TBC1D1: variants seen among roughly 807,000 people sequenced by gnomAD.
The protein encoded by TBC1D1 is TBC1 (tre-2/USP6, BUB2, cdc16) domain family, member 1.
In TBC1D1, 89 loss-of-function variants were observed where a neutral mutation model predicts 125.6. That is an observed-to-expected ratio of 0.71 (90% CI 0.60 to 0.85). The LOEUF is 0.85. Among genes scored for constraint, TBC1D1 ranks in the 40% least tolerant of loss-of-function variants. The pLI, the probability that TBC1D1 is intolerant of heterozygous loss-of-function variation, is 0.00. For synonymous variants in TBC1D1, 565 were observed against 564.1 expected (o/e 1.00, Z -0.02); for missense variants, 1,377 against 1,469.2 (o/e 0.94, Z 1.03).
intron 15 of TBC1D1, among the ~76,000 whole-genome samples, chr4:38,105,446 TTTTA>T (rs1173932887): frequency 1.3e-5 from 2 of 152,092 alleles, no homozygotes; most frequent in African/African-American, 4.8e-5. Context: ...TTTTTTCAAC[TTTTA>T]TTTTAGATTC....
chr4:38,030,022 C>T (rs1745831045), intron 7 of TBC1D1, among the ~76,000 whole-genome samples: 1 of 152,208 alleles, frequency 6.6e-6, no homozygotes, highest in African/African-American at 2.4e-5. Flanking sequence ...AATGCTGGCC[C>T]ACTTACTGTT....
At chr4:38,070,679 A>G (rs1430114325) in intron 12 of TBC1D1, among the ~76,000 whole-genome samples, 3 of 152,242 alleles carry the variant, frequency 2.0e-5, no homozygotes, top group African/African-American at 7.2e-5. Flanking sequence ...AGTATGTAAA[A>G]AAAACATACA....
intron 15 of TBC1D1, among the ~76,000 whole-genome samples, chr4:38,111,690 G>A (rs1040290113): frequency 6.6e-6 from 1 of 152,198 alleles, no homozygotes; most frequent in Non-Finnish European, 1.5e-5. Flanking sequence ...AAAGCAGGGG[G>A]AGGGCCTCAT....
intron 11 of TBC1D1, 117 bp from the exon 12 acceptor site, chr4:38,051,782 A>C: frequency 1.1e-6 from 1 of 936,290 alleles, no homozygotes; most frequent in Non-Finnish European, 1.6e-6. Flanking sequence ...CCACTCTGAT[A>C]GTGTTACTGG....
chr4:38,113,790 A>G (rs1762537087), intron 15 of TBC1D1, among the ~76,000 whole-genome samples: 1 of 152,204 alleles, frequency 6.6e-6, no homozygotes, highest in Non-Finnish European at 1.5e-5. Context: ...GGCTACTCCA[A>G]ATTGAGGCGT....
At chr4:38,093,463 C>T (rs1160015671) in intron 13 of TBC1D1, among the ~76,000 whole-genome samples, 1 of 151,780 alleles carries the variant, frequency 6.6e-6, no homozygotes, top group Non-Finnish European at 1.5e-5. Flanking sequence ...GAACAAAAAG[C>T]GCTGCCTCTC....
intron 2 of TBC1D1, among the ~76,000 whole-genome samples, chr4:37,966,293 C>T (rs573729858): frequency 1.3e-5 from 2 of 152,318 alleles, no homozygotes; most frequent in Admixed American, 1.3e-4. Flanking sequence ...GATTGACCCA[C>T]TTTAGATGAC....
chr4:37,986,831 G>C (rs1735571076), intron 2 of TBC1D1, among the ~76,000 whole-genome samples: 1 of 151,920 alleles, frequency 6.6e-6, no homozygotes, highest in Non-Finnish European at 1.5e-5. Context: ...TGAGTAGTCG[G>C]GTTGGGGTGG....
chr4:38,112,000 A>T, intron 15 of TBC1D1: 1 of 984,792 alleles, frequency 1.0e-6, no homozygotes, highest in South Asian at 4.7e-5. Context: ...ACACTGGAAG[A>T]TGTGTTTTAG....
rs968669548 is a variant in TBC1D1, at chr4:38,014,436, A to T, written c.418-73A>T. 6.8e-7 allele frequency: 1 copy of T among 1,472,744 alleles called. No homozygotes were observed. The highest frequency in any genetic ancestry group is 1.4e-5 in the African/African-American group (1 of 72,320). 91.2% of individuals were successfully genotyped at this position (1,472,744 alleles called of 1,614,324 possible). On this transcript the variant is annotated intron_variant, in intron 2 of 19. Coordinates refer to ENST00000261439, the MANE Select transcript of TBC1D1 (RefSeq NM_015173.4). The surrounding 1 kb of genome is among the most constrained non-coding windows in gnomAD (Gnocchi z 5.1). ...AGTAGCCAGCGGGGCGTCCCGAAAG[A>T]GCATGGTGCATTCATTCCGTGAGTG...
intron 10 of TBC1D1, among the ~76,000 whole-genome samples, chr4:38,048,611 A>G (rs568121883): frequency 1.2e-3 from 103 of 89,488 alleles, no homozygotes; most frequent in African/African-American, 5.5e-3. Flanking sequence ...GTGTAAATGA[A>G]CAGGTAGAAT....
chr4:37,958,220 T>C (rs1009497072), intron 2 of TBC1D1, among the ~76,000 whole-genome samples: 3 of 152,094 alleles, frequency 2.0e-5, no homozygotes, highest in Non-Finnish European at 2.9e-5. Flanking sequence ...TAAGAAAGAG[T>C]CTGTAAGATC....
Position 38,115,765 on chromosome 4 carries a change from A to G in TBC1D1, c.2613A>G (p.Leu871=), listed in dbSNP as rs762169021. 6 of 1,614,068 alleles carry G rather than the reference A, an allele frequency of 3.7e-6. No individual in the cohort carries two copies. The highest frequency in any genetic ancestry group is 2.7e-5 in the African/African-American group (2 of 74,926). The change falls in exon 16 of 20, where the codon CTA becomes CTG. Residue 871 remains leucine (L), a synonymous_variant. Coordinates refer to ENST00000261439, the MANE Select transcript of TBC1D1 (RefSeq NM_015173.4). ...CTGCCCAGCTTGGAGCAGGACAGCT[A>G]TCGCTTTACAACATTTTGAAGGCCT...
At chr4:38,006,764 C>T (rs1052480700) in intron 2 of TBC1D1, 31 of 457,202 alleles carry the variant, frequency 6.8e-5, no homozygotes, top group East Asian at 1.3e-4. Flanking sequence ...CAGGCGTGAG[C>T]CACTGCGCCT....
At position 37,995,359 on chromosome 4, in the gene TBC1D1, A is replaced by G. The variant is rs1304963501; in HGVS notation, c.418-19150A>G. 5.4e-6 allele frequency: 1 copy of G among 185,074 alleles called. No homozygotes were observed. Among genetic ancestry groups the G allele is most frequent in the Non-Finnish European group, 1.1e-5 (1 of 88,896 alleles). The allele number at this position is 185,074 out of a possible 1,614,324, so 11.5% of individuals were successfully genotyped here. On this transcript the variant is annotated intron_variant, in intron 2 of 19. Coordinates refer to ENST00000261439, the MANE Select transcript of TBC1D1 (RefSeq NM_015173.4). The surrounding 1 kb of genome is among the most constrained non-coding windows in gnomAD (Gnocchi z 4.3). ...GTATAGTATTTCTTTGATTTCCTTC[A>G]TCTGTAAAAGCAGGAAGAAAATATT...
intron 2 of TBC1D1, among the ~76,000 whole-genome samples, chr4:38,012,400 G>A (rs1428439793): frequency 1.3e-5 from 2 of 151,866 alleles, no homozygotes; most frequent in Non-Finnish European, 2.9e-5. Flanking sequence ...CCTGCCTCAG[G>A]AGTAGTGGGG....
chr4:37,935,504 CA>C (rs1257401772), intron 2 of TBC1D1, among the ~76,000 whole-genome samples: 2 of 152,182 alleles, frequency 1.3e-5, no homozygotes, highest in Non-Finnish European at 2.9e-5. Context: ...TGATTGTATT[CA>C]ATAAATGTTT....
intron 2 of TBC1D1, among the ~76,000 whole-genome samples, chr4:37,967,752 G>C (rs973416594): frequency 2.0e-5 from 3 of 152,130 alleles, no homozygotes; most frequent in Non-Finnish European, 4.4e-5. Flanking sequence ...GATAAAATTA[G>C]TGCTCTGTCG....
chr4:38,124,773 G>A (rs930393578), intron 17 of TBC1D1, among the ~76,000 whole-genome samples, 189 bp from the exon 20 acceptor site: 4 of 152,068 alleles, frequency 2.6e-5, no homozygotes, highest in African/African-American at 9.7e-5. Context: ...TAATGTTTAT[G>A]TACTTTTATT....
Sources: gnomAD v4.1 joint callset for allele counts (sites outside exome capture counted in the v4.1 genomes callset) on GRCh38, gnomAD v4.1.1 for gene constraint, Gnocchi (gnomAD v3.1) non-coding constraint, MANE v1.5 for transcripts, NCBI Gene and HGNC (gene_info 2026-07-23, HGNC 2026-07-21) for gene names.